CSMD1: variants seen among roughly 807,000 people sequenced by gnomAD.
The protein encoded by CSMD1 is CUB and sushi domain-containing protein 1.
Under a neutral mutation model 417.5 loss-of-function variants are expected in CSMD1, and 213 were observed. The observed-to-expected ratio is 0.51, with a 90% confidence interval of 0.46 to 0.57. The LOEUF (loss-of-function observed/expected upper bound fraction) is 0.57, where lower values mean the gene tolerates loss of function less well. CSMD1 is among the 20% of genes least tolerant of loss of function. CSMD1 has a pLI of 0.00. For synonymous variants in CSMD1, 2,862 were observed against 1,736.8 expected, an observed-to-expected ratio of 1.65 and a Z score of -16.11; for missense variants, 6,923 against 4,529.7, an observed-to-expected ratio of 1.53 and a Z score of -15.17.
At chr8:3,086,774 T>C (rs1423699707) in intron 49 of CSMD1, among the ~76,000 whole-genome samples, 1 of 152,226 alleles carries the variant, frequency 6.6e-6, no homozygotes, top group African/African-American at 2.4e-5. Flanking sequence ...TTAATGTTTT[T>C]AAATTAATAC....
chr8:3,882,422 T>G (rs958629367), intron 5 of CSMD1, among the ~76,000 whole-genome samples: 2 of 152,224 alleles, frequency 1.3e-5, no homozygotes, highest in African/African-American at 4.8e-5. Context: ...ATGTTGGTTA[T>G]GTGGAGCAAC....
chr8:4,239,642 C>T (rs1318628027), intron 3 of CSMD1, among the ~76,000 whole-genome samples: 1 of 152,172 alleles, frequency 6.6e-6, no homozygotes, highest in South Asian at 2.1e-4. Context: ...ACTGCTGCAG[C>T]CATGCTCGGG....
chr8:4,834,474 A>G (rs1279994189), intron 1 of CSMD1, among the ~76,000 whole-genome samples: 2 of 152,204 alleles, frequency 1.3e-5, no homozygotes, highest in Non-Finnish European at 2.9e-5. Context: ...CGCAACTTTT[A>G]GGCAGGCAGT....
chr8:2,968,910 C>G (rs1392551406), intron 57 of CSMD1, among the ~76,000 whole-genome samples: 1 of 152,020 alleles, frequency 6.6e-6, no homozygotes, highest in Non-Finnish European at 1.5e-5. Context: ...TCAGCTAAAA[C>G]ATAATTTCTT....
intron 1 of CSMD1, among the ~76,000 whole-genome samples, chr8:4,894,750 G>C (rs183163142): frequency 8.6e-5 from 13 of 151,938 alleles, no homozygotes; most frequent in Admixed American, 6.6e-4. Flanking sequence ...GGGACCAAGT[G>C]TGTTTGTGTG....
intron 2 of CSMD1, among the ~76,000 whole-genome samples, chr8:4,460,486 C>A (rs1159915588): frequency 1.3e-5 from 2 of 151,880 alleles, no homozygotes; most frequent in Non-Finnish European, 2.9e-5. Flanking sequence ...TGAGAATAAT[C>A]AAGTATACAA....
chr8:4,853,664 T>C (rs1439167283), intron 1 of CSMD1, among the ~76,000 whole-genome samples: 1 of 152,180 alleles, frequency 6.6e-6, no homozygotes. Flanking sequence ...CACTACCCAG[T>C]GGAGCTGTGG....
intron 12 of CSMD1, among the ~76,000 whole-genome samples, chr8:3,423,740 G>A (rs371790939): frequency 1.8e-4 from 27 of 152,084 alleles, no homozygotes; most frequent in Non-Finnish European, 2.6e-4. Flanking sequence ...TATTTCACTC[G>A]GGTGAACACT....
At chr8:4,518,044 G>A (rs752902979) in intron 2 of CSMD1, among the ~76,000 whole-genome samples, 4 of 152,138 alleles carry the variant, frequency 2.6e-5, no homozygotes, top group Admixed American at 6.6e-5. Flanking sequence ...ATACTGCACA[G>A]CTCACGGAAA....
At chr8:3,644,776 T>C (rs1296164916) in intron 7 of CSMD1, among the ~76,000 whole-genome samples, 1 of 151,932 alleles carries the variant, frequency 6.6e-6, no homozygotes, top group Non-Finnish European at 1.5e-5. Flanking sequence ...CAATCGCTTG[T>C]AGAAAGCGTG....
At position 3,949,787 on chromosome 8, in the gene CSMD1, G is replaced by A. The variant is rs560260009; in HGVS notation, c.818+48116C>T. Among the ~76,000 whole-genome samples, 11 of 152,250 alleles carry A rather than the reference G, an allele frequency of 7.2e-5. No individual in the cohort carries two copies. The South Asian group carries it at 1.5e-3, about 20-fold the overall frequency. On this transcript the variant is annotated intron_variant, in intron 5 of 69. Transcript: ENST00000635120. ...GCACAAGACAGCCACAAGCACTGTT[G>A]CCTCTAACACATGGAAAGCTGGGGC...
chr8:4,376,114 T>C (rs1242516345), intron 3 of CSMD1, among the ~76,000 whole-genome samples: 2 of 152,226 alleles, frequency 1.3e-5, no homozygotes, highest in African/African-American at 4.8e-5. Flanking sequence ...ACTCAGCTTA[T>C]CAAAAGATAT....
At chr8:4,097,430 C>T (rs1463113392) in intron 3 of CSMD1, among the ~76,000 whole-genome samples, 3 of 152,142 alleles carry the variant, frequency 2.0e-5, no homozygotes, top group Admixed American at 2.0e-4. Context: ...TACATATACG[C>T]TAAATAAAGC....
chr8:4,442,929 T>C (rs1585082635), intron 2 of CSMD1, among the ~76,000 whole-genome samples: 1 of 152,302 alleles, frequency 6.6e-6, no homozygotes, highest in East Asian at 1.9e-4. Flanking sequence ...AAATGATATT[T>C]GTCCCTCAAC....
At chr8:3,097,260 A>G (rs939688400) in intron 46 of CSMD1, among the ~76,000 whole-genome samples, 5 of 152,052 alleles carry the variant, frequency 3.3e-5, no homozygotes, top group South Asian at 2.1e-4. Flanking sequence ...CAGCCTGCAC[A>G]CTCCTTTGGC....
intron 5 of CSMD1, among the ~76,000 whole-genome samples, chr8:3,754,469 T>TTTAC (rs1797542582): frequency 6.6e-6 from 1 of 150,870 alleles, no homozygotes; most frequent in Non-Finnish European, 1.5e-5. Context: ...TATTTATTTA[T>TTTAC]TTTGAGACGG....
intron 3 of CSMD1, among the ~76,000 whole-genome samples, chr8:4,350,463 C>T (rs1005915533): frequency 7.9e-5 from 12 of 152,200 alleles, no homozygotes; most frequent in Admixed American, 6.5e-4. Flanking sequence ...ACATGATACT[C>T]TTTGCCTGCT....
At position 4,167,176 on chromosome 8, in the gene CSMD1, C is replaced by A. The variant is rs763161415; in HGVS notation, c.416-135077G>T. ...TCTACCTACTTCTGAAGTAGAAAAC[C>A]AGATAATTTTTTCCAGAGGGCCTGT... On this transcript the variant is annotated intron_variant, in intron 3 of 69. Coordinates refer to ENST00000635120, the MANE Select transcript of CSMD1 (RefSeq NM_033225.6). Among the ~76,000 whole-genome samples the A allele has an allele frequency of 2.7e-4, 41 of 152,026 alleles. 1 individual carries two copies. The highest frequency in any genetic ancestry group is 5.0e-4 in the Non-Finnish European group (34 of 68,016).
At chr8:3,601,233 C>T (rs760882972) in intron 8 of CSMD1, among the ~76,000 whole-genome samples, 1 of 152,092 alleles carries the variant, frequency 6.6e-6, no homozygotes, top group Non-Finnish European at 1.5e-5. Flanking sequence ...TATTATTTTT[C>T]CAAGAACATT....
Sources: allele counts gnomAD v4.1 joint callset (sites outside exome capture counted in the v4.1 genomes callset), GRCh38; gene constraint gnomAD v4.1.1; transcripts MANE v1.5; gene names NCBI Gene and HGNC (gene_info 2026-07-23, HGNC 2026-07-21).